Variants in ALS2CL observed in about 807,000 individuals in gnomAD.
The protein encoded by ALS2CL is ALS2 C-terminal like, also known as ALS2 C-terminal-like protein.
Under a neutral mutation model 127.9 loss-of-function variants are expected in ALS2CL, and 112 were observed. That is an observed-to-expected ratio of 0.88 (90% CI 0.75 to 1.02). The LOEUF (loss-of-function observed/expected upper bound fraction) is 1.02. Among genes scored for constraint, ALS2CL ranks in the 50% least tolerant of loss-of-function variants. ALS2CL has a pLI of 0.00. For synonymous variants in ALS2CL, 519 were observed against 527.6 expected (o/e 0.98, Z 0.22); for missense variants, 1,174 against 1,236.7 (o/e 0.95, Z 0.76).
At chr3:46,691,995 T>C (rs941725005) in intron 1 of ALS2CL, among the ~76,000 whole-genome samples, 1 of 151,856 alleles carries the variant, frequency 6.6e-6, no homozygotes, top group Non-Finnish European at 1.5e-5. Context: ...CGGGGGTGAG[T>C]CCTCCAGACT....
chr3:46,686,984 TC>T lies in ALS2CL; in HGVS notation c.532del (p.Glu178SerfsTer10). 6.3e-7 allele frequency: 1 copy of T among 1,583,180 alleles called. No individual in the cohort carries two copies. Among genetic ancestry groups the T allele is most frequent in the Non-Finnish European group, 8.6e-7 (1 of 1,168,612 alleles). The stretch of plus-strand genomic sequence containing the variant: ...CATGCTGCTGCCCCTGGTACCCACC[TC>T]CCCAATGGTGTCCCCGAGGCTCAGC... The part of the protein sequence containing the change: ...LLLSLGDTIG[E>X]HHPTRELVVN... On this transcript the variant is annotated frameshift_variant and splice_region_variant, in exon 5 of 26. Transcript: ENST00000318962. LOFTEE classifies it high-confidence loss of function. The surrounding 1 kb of genome is among the most constrained non-coding windows in gnomAD (Gnocchi z 4.3).
chr3:46,674,327 G>A (rs1254707699), intron 21 of ALS2CL, among the ~76,000 whole-genome samples: 1 of 152,200 alleles, frequency 6.6e-6, no homozygotes, highest in Non-Finnish European at 1.5e-5. Context: ...TGAACCTTGA[G>A]CGGTTGGTGC....
In ALS2CL at chr3:46,677,005, G is replaced by A. The variant is rs776522836; in HGVS notation, c.1775C>T (p.Ala592Val). Residue 592 changes from alanine to valine, a missense_variant, in exon 17 of 26, where the codon GCC becomes GTC. By Grantham distance (64) the Ala-to-Val change is moderately conservative. Transcript: ENST00000318962. Reference protein sequence around the residue: ...STCKRQLGVGAFPVESRWQGV... With the variant: ...STCKRQLGVGVFPVESRWQGV... ...CTGCCAGCGGCTTTCCACGGGGAAG[G>A]CACCCACGCCCAGCTGCCTGCGATG... 22 of 1,608,154 alleles carry A rather than the reference G, an allele frequency of 1.4e-5. 2 individuals carry two copies. In the South Asian group the frequency reaches 2.4e-4, roughly 18 times the overall value.
In ALS2CL at chr3:46,677,033, G is replaced by C; in HGVS notation, c.1758-11C>G. 2 of 1,590,826 alleles carry C rather than the reference G, an allele frequency of 1.3e-6. No individual in the cohort carries two copies. Among genetic ancestry groups the C allele is most frequent in the Non-Finnish European group, 1.7e-6 (2 of 1,169,078 alleles). On this transcript the variant is annotated splice_polypyrimidine_tract_variant and intron_variant, in intron 16 of 25. Transcript: ENST00000318962. ...CCCACGCCCAGCTGCCTGCGATGGG[G>C]ATGGAGGGTGGGTGATGGGGCAGAG... is the stretch of plus-strand genomic sequence containing the variant.
Position 46,671,519 on chromosome 3 carries a change from C to G in ALS2CL, c.2750G>C (p.Gly917Ala). ...RDMMDPNHTG[G>A]LYDFLLTALE... is the part of the protein sequence containing the mutation. Reference sequence around the variant, plus strand: ...GGCTGTGAGCAGGAAGTCATACAGGCCTCCTGTGTGGTTGGGGTCCATCAT... The same window carrying G: ...GGCTGTGAGCAGGAAGTCATACAGGGCTCCTGTGTGGTTGGGGTCCATCAT... The change falls in exon 25 of 26, where the codon GGC becomes GCC. Residue 917 changes from glycine to alanine, a missense_variant. Physicochemically the swap from Gly to Ala is moderately conservative, Grantham distance 60. Transcript: ENST00000318962. The G allele has an allele frequency of 1.2e-6, 2 of 1,614,056 alleles. No homozygotes were observed. Among genetic ancestry groups the G allele is most frequent in the Non-Finnish European group, 1.7e-6 (2 of 1,179,988 alleles).
Position 46,686,255 on chromosome 3 carries a change from C to G in ALS2CL, c.666+53G>C. 1 of 1,553,852 alleles carries G rather than the reference C, an allele frequency of 6.4e-7. No homozygotes were observed. The highest frequency in any genetic ancestry group is 8.7e-7 in the Non-Finnish European group (1 of 1,150,432). The stretch of plus-strand genomic sequence containing the variant: ...AAGCAGCTCAAGCCCCCCAACATCT[C>G]CATGCCCAATGTGGAACCCCCTCCC... On this transcript the variant is annotated intron_variant, in intron 6 of 25. Transcript: ENST00000318962. This position sits in a 1 kb window ranked among gnomAD's most constrained non-coding sequence, Gnocchi z 4.3.
In ALS2CL at chr3:46,686,401, G is replaced by A. The variant is rs1306444446; in HGVS notation, c.573C>T (p.Thr191=). 3 of 1,613,748 alleles carry A rather than the reference G, an allele frequency of 1.9e-6. No homozygotes were observed. Among genetic ancestry groups the A allele is most frequent in the Non-Finnish European group, 2.5e-6 (3 of 1,179,886 alleles). ...PTRELVVNAV[T]LFGNLQSFMK... The stretch of plus-strand genomic sequence containing the variant: ...TGAAGGACTGCAGGTTCCCAAAGAG[G>A]GTGACTGCGTTCACCACCAGCTCCC... Residue 191 remains threonine (T), a synonymous_variant, in exon 6 of 26, where the codon ACC becomes ACT. Coordinates refer to ENST00000318962, the MANE Select transcript of ALS2CL (RefSeq NM_147129.5). The surrounding 1 kb of genome is among the most constrained non-coding windows in gnomAD (Gnocchi z 4.3).
At chr3:46,671,692 G>A (rs964494136) in intron 24 of ALS2CL, 108 bp from the exon 25 acceptor site, 21 of 1,576,630 alleles carry the variant, frequency 1.3e-5, no homozygotes, top group Non-Finnish European at 1.8e-5. Context: ...GACACCTGGG[G>A]TGTGGTCCTC....
intron 1 of ALS2CL, among the ~76,000 whole-genome samples, chr3:46,691,658 G>A (rs1394041252): frequency 6.6e-6 from 1 of 151,614 alleles, no homozygotes; most frequent in Admixed American, 6.6e-5. Context: ...ACCCCTCTAC[G>A]AAATGGGGGT....
In ALS2CL at chr3:46,685,585, C is replaced by T. The variant is rs751843315; in HGVS notation, c.726G>A (p.Thr242=). 1.4e-5 allele frequency: 22 copies of T among 1,613,892 alleles called. No homozygotes were observed. The highest frequency in any genetic ancestry group is 1.2e-4 in the South Asian group (11 of 91,070). ...CACGCTCAGCCCGCAACGGTGCGACCGTCACGGGTACGTCCTGGCTGTCCT... is the reference window on the plus strand; with the variant it reads ...CACGCTCAGCCCGCAACGGTGCGACTGTCACGGGTACGTCCTGGCTGTCCT... ...LLQDSQDVPV[T]VAPLRAERVL... is the part of the protein sequence containing the mutation. Residue 242 remains threonine (T), a synonymous_variant, in exon 7 of 26, where the codon ACG becomes ACA. Transcript: ENST00000318962.
In ALS2CL at chr3:46,671,955, T is replaced by C. The variant is rs1698429955; in HGVS notation, c.2613A>G (p.Val871=). ...TGGGCAGCTTGTACTCCCGGCCCAA[T>C]ACCCTCGACACCGTGCCCTCAATTT... ...YGEIEGTVSR[V]LGREYKLPMD... is the part of the protein sequence containing the mutation. The change falls in exon 24 of 26, where the codon GTA becomes GTG. Residue 871 remains valine, a synonymous_variant. Transcript: ENST00000318962. 2 of 1,613,880 alleles carry C rather than the reference T, an allele frequency of 1.2e-6. No homozygotes were observed. Among genetic ancestry groups the C allele is most frequent in the Non-Finnish European group, 8.5e-7 (1 of 1,179,978 alleles).
chr3:46,687,607 C>A lies in ALS2CL; in HGVS notation c.368+12G>T. The A allele has an allele frequency of 1.2e-6, 2 of 1,612,400 alleles. No homozygotes were observed. Among genetic ancestry groups the A allele is most frequent in the Non-Finnish European group, 1.7e-6 (2 of 1,179,372 alleles). Reference sequence around the variant, plus strand: ...ACCCTGTCAGGGGCCAGTGCACCAGCCCTGTGCTCACCTTCTCCTCTTTGC... The same window carrying A: ...ACCCTGTCAGGGGCCAGTGCACCAGACCTGTGCTCACCTTCTCCTCTTTGC... On this transcript the variant is annotated intron_variant, in intron 4 of 25. Transcript: ENST00000318962.
In ALS2CL at chr3:46,681,723, G is replaced by T; in HGVS notation, c.1176-125C>A. 1 of 986,442 alleles carries T rather than the reference G, an allele frequency of 1.0e-6. No homozygotes were observed. Among genetic ancestry groups the T allele is most frequent in the Non-Finnish European group, 1.5e-6 (1 of 658,052 alleles). 61.1% of individuals were successfully genotyped at this position (986,442 alleles called of 1,614,324 possible). A position where few individuals can be genotyped will look rare whatever the true frequency, so the allele number is the denominator to read the frequency against. ...TCCAGACAACAGGGAGACTCTCAGA[G>T]GCCCTCAGCCTTCCTATCCTTCAAA... On this transcript the variant is annotated intron_variant, in intron 11 of 25. Coordinates refer to ENST00000318962, the MANE Select transcript of ALS2CL (RefSeq NM_147129.5). The surrounding 1 kb of genome is among the most constrained non-coding windows in gnomAD (Gnocchi z 4.9).
Position 46,670,953 on chromosome 3 carries a change from C to G in ALS2CL, c.*31G>C. 6.3e-7 allele frequency: 1 copy of G among 1,599,598 alleles called. No individual in the cohort carries two copies. Among genetic ancestry groups the G allele is most frequent in the Non-Finnish European group, 8.6e-7 (1 of 1,166,900 alleles). ...AGGGACAGGCTGGCAGTGCCCTGCT[C>G]AGCTCTTCAGTCTGTCCAGGAAAGG... On this transcript the variant is annotated 3_prime_UTR_variant, in exon 26 of 26. Coordinates refer to ENST00000318962, the MANE Select transcript of ALS2CL (RefSeq NM_147129.5). The surrounding 1 kb of genome is among the most constrained non-coding windows in gnomAD (Gnocchi z 5.5).
rs1407009282 is a variant in ALS2CL, at chr3:46,683,177, G to T, written c.1062C>A (p.Cys354Ter). Residue 354 changes from cysteine to a stop codon, truncating the protein, a stop_gained, in exon 10 of 26, where the codon TGC (cysteine) becomes TGA (stop). Transcript: ENST00000318962. LOFTEE classifies it high-confidence loss of function. ...EYTFQAEGRL[C>*]QATYEGEWCR... ...ACCACTCGCCCTCGTAGGTGGCCTG[G>T]CAGAGCCGGCCCTCTGCCTGGAAGG... 7 of 1,603,766 alleles carry T rather than the reference G, an allele frequency of 4.4e-6. No individual in the cohort carries two copies. Among genetic ancestry groups the T allele is most frequent in the Admixed American group, 1.7e-5 (1 of 58,512 alleles).
Position 46,687,725 on chromosome 3 carries a change from A to C in ALS2CL, c.303-41T>G, listed in dbSNP as rs765614808. The C allele has an allele frequency of 2.5e-6, 4 of 1,587,754 alleles. No individual in the cohort carries two copies. In the Admixed American group the frequency reaches 6.9e-5, roughly 28 times the overall value. On this transcript the variant is annotated intron_variant, in intron 3 of 25. Coordinates refer to ENST00000318962, the MANE Select transcript of ALS2CL (RefSeq NM_147129.5). ...GGGACACCCTGCAAACCCAGTCCTC[A>C]GCCCCAGACCTAAGCCCCTGGTCCC...
Position 46,670,772 on chromosome 3 carries a change from G to T in ALS2CL, c.*212C>A. 1 of 541,248 alleles carries T rather than the reference G, an allele frequency of 1.8e-6. No homozygotes were observed. Among genetic ancestry groups the T allele is most frequent in the Non-Finnish European group, 3.3e-6 (1 of 298,804 alleles). 33.5% of individuals were successfully genotyped at this position (541,248 alleles called of 1,614,324 possible). ...AAGGGGTCATTGAAGATGGGCTAGT[G>T]GCCAAGGGAAAACCACCACATCCAG... is the stretch of plus-strand genomic sequence containing the variant. On this transcript the variant is annotated 3_prime_UTR_variant, in exon 26 of 26. Transcript: ENST00000318962. The surrounding 1 kb of genome is among the most constrained non-coding windows in gnomAD (Gnocchi z 5.5).
intron 19 of ALS2CL, chr3:46,676,012 C>T: frequency 1.4e-6 from 2 of 1,416,976 alleles, no homozygotes; most frequent in Non-Finnish European, 9.2e-7. Flanking sequence ...CGGTCAGAGT[C>T]AGCCCAGCGC....
At position 46,686,208 on chromosome 3, in the gene ALS2CL, A is replaced by G. The variant is rs142966123; in HGVS notation, c.666+100T>C. ...ATCACTCCCCCTTCCATATAGGGAAACTGAGGCCCAGAGAATACAGCAAGC... is the reference window on the plus strand; with the variant it reads ...ATCACTCCCCCTTCCATATAGGGAAGCTGAGGCCCAGAGAATACAGCAAGC... On this transcript the variant is annotated intron_variant, in intron 6 of 25. Transcript: ENST00000318962. The surrounding 1 kb of genome is among the most constrained non-coding windows in gnomAD (Gnocchi z 4.3). The G allele has an allele frequency of 0.024, 35,004 of 1,433,500 alleles. 547 individuals carry two copies. Among genetic ancestry groups the G allele is most frequent in the Middle Eastern group, 0.03 (118 of 3,976 alleles). 88.8% of individuals were successfully genotyped at this position (1,433,500 alleles called of 1,614,324 possible).
Sources: gnomAD v4.1 joint callset for allele counts (sites outside exome capture counted in the v4.1 genomes callset) on GRCh38, gnomAD v4.1.1 for gene constraint, Gnocchi (gnomAD v3.1) non-coding constraint, MANE v1.5 for transcripts, NCBI Gene and HGNC (gene_info 2026-07-23, HGNC 2026-07-21) for gene names.